The following CIB4 variants were observed in gnomAD, a reference collection of about 807,000 sequenced individuals.
CIB4 encodes calcium and integrin-binding family member 4.
In CIB4, 25 loss-of-function variants were observed where a neutral mutation model predicts 25.8. The ratio of observed to expected loss-of-function variants is 0.97; its 90% CI spans 0.71 to 1.35. CIB4 has a LOEUF of 1.35. Ranked by LOEUF, CIB4 falls within the 40% of genes most tolerant of loss-of-function variation. The pLI is 0.00. For missense variants in CIB4, 235 were observed against 228.2 expected (o/e 1.03, Z -0.19); for synonymous variants, 75 against 81.4 (o/e 0.92, Z 0.42).
At chr2:26,586,482 G>A (rs978824994) in intron 4 of CIB4, among the ~76,000 whole-genome samples, 3 of 152,232 alleles carry the variant, frequency 2.0e-5, no homozygotes, top group African/African-American at 4.8e-5. Context: ...AACACACTAC[G>A]TGTTATTAGC....
intron 3 of CIB4, among the ~76,000 whole-genome samples, chr2:26,601,904 T>C (rs1306178234): frequency 6.6e-6 from 1 of 152,144 alleles, no homozygotes; most frequent in Non-Finnish European, 1.5e-5. Flanking sequence ...AAGGGCTACA[T>C]ATTGTATGAG....
rs1558554715 is a variant in CIB4, at chr2:26,589,042, T to TTCC, written c.329-5145_329-5144insGGA. ...CTTCTTCTTCTTCTTCTTCTTCTTC[T>TTCC]TCTTCTTCTTCTTCTTCCTCTTCCT... is the stretch of plus-strand genomic sequence containing the variant. On this transcript the variant is annotated intron_variant, in intron 4 of 6. Coordinates refer to ENST00000288861, the MANE Select transcript of CIB4 (RefSeq NM_001029881.3). Among the ~76,000 whole-genome samples, 25 of 47,464 alleles carry TTCC rather than the reference T, an allele frequency of 5.3e-4. 1 individual carries two copies. The highest frequency in any genetic ancestry group is 1.8e-3 in the African/African-American group (21 of 11,454). The allele number at this position is 47,464 out of a possible 152,430, so 31.1% of individuals were successfully genotyped here. A position where few individuals can be genotyped will look rare whatever the true frequency, so the allele number is the denominator to read the frequency against.
intron 6 of CIB4, among the ~76,000 whole-genome samples, chr2:26,582,487 G>A (rs546448255): frequency 6.6e-6 from 1 of 152,276 alleles, no homozygotes; most frequent in Admixed American, 6.5e-5. Context: ...CTACCTCCCA[G>A]TTGGCCGCTG....
intron 3 of CIB4, among the ~76,000 whole-genome samples, chr2:26,604,024 G>C (rs1234017058): frequency 7.1e-6 from 1 of 140,558 alleles, no homozygotes; most frequent in East Asian, 2.1e-4. Flanking sequence ...AAAAAAGAAA[G>C]AAATATGAAG....
chr2:26,590,046 C>A (rs533416957), intron 4 of CIB4, among the ~76,000 whole-genome samples: 1 of 152,234 alleles, frequency 6.6e-6, no homozygotes, highest in African/African-American at 2.4e-5. Context: ...TCTGGACTGC[C>A]TGACTCCAGA....
intron 2 of CIB4, among the ~76,000 whole-genome samples, chr2:26,634,378 C>A (rs1669491776): frequency 6.6e-6 from 1 of 152,178 alleles, no homozygotes; most frequent in Non-Finnish European, 1.5e-5. Flanking sequence ...TCTGTGTGGG[C>A]TTGAGGAAAT....
intron 3 of CIB4, among the ~76,000 whole-genome samples, chr2:26,596,810 A>T (rs1187280117): frequency 6.6e-6 from 1 of 152,148 alleles, no homozygotes; most frequent in Non-Finnish European, 1.5e-5. Flanking sequence ...TAAGTATGAA[A>T]ATCTTCTGAA....
At chr2:26,603,721 C>G (rs2148204677) in intron 3 of CIB4, among the ~76,000 whole-genome samples, 1 of 152,216 alleles carries the variant, frequency 6.6e-6, no homozygotes, top group Non-Finnish European at 1.5e-5. Context: ...CTAAAGAAAA[C>G]AGACCCATGC....
At chr2:26,635,437 C>T (rs10495759) in intron 2 of CIB4, among the ~76,000 whole-genome samples, 13,287 of 152,276 alleles carry the variant, frequency 0.087, 984 homozygotes, top group Admixed American at 0.23. Context: ...TTCTACCTAT[C>T]GGTCTCTTGA....
At chr2:26,622,629 T>C (rs1289707652) in intron 3 of CIB4, among the ~76,000 whole-genome samples, 1 of 151,890 alleles carries the variant, frequency 6.6e-6, no homozygotes, top group Non-Finnish European at 1.5e-5. Context: ...GAAGAGGAAA[T>C]GTGGCAACCC....
intron 4 of CIB4, among the ~76,000 whole-genome samples, chr2:26,590,855 G>A (rs979820315): frequency 6.6e-6 from 1 of 152,196 alleles, no homozygotes; most frequent in Non-Finnish European, 1.5e-5. Flanking sequence ...GTGCTGCAAG[G>A]GGCCTGGAGA....
intron 1 of CIB4, 68 bp downstream of exon 1, chr2:26,641,193 T>A: frequency 7.5e-7 from 1 of 1,326,724 alleles, no homozygotes; most frequent in South Asian, 1.2e-5. Flanking sequence ...GAAGGAATTT[T>A]CCCATTCATT....
intron 4 of CIB4, among the ~76,000 whole-genome samples, chr2:26,591,569 A>C (rs963887666): frequency 3.9e-5 from 6 of 152,200 alleles, no homozygotes; most frequent in African/African-American, 1.4e-4. Context: ...GACGAACTCT[A>C]GTGACCTCTC....
At chr2:26,598,167 G>A (rs1370770227) in intron 3 of CIB4, among the ~76,000 whole-genome samples, 2 of 151,910 alleles carry the variant, frequency 1.3e-5, no homozygotes, top group African/African-American at 4.8e-5. Context: ...GGGCGTGATG[G>A]TGCGTGCCTG....
rs181344463 is a variant in CIB4 at position 26,598,152 on chromosome 2, T to C, written c.187-2835A>G. Among the ~76,000 whole-genome samples, 13 of 150,858 alleles carry C rather than the reference T, an allele frequency of 8.6e-5. No individual in the cohort carries two copies. The East Asian group carries it at 2.3e-3, about 27-fold the overall frequency. On this transcript the variant is annotated intron_variant, in intron 3 of 6. Transcript: ENST00000288861. ...CCATCTCAACTAAAAATACAAAAAT[T>C]AGTAGGGCGTGATGGTGCGTGCCTG...
chr2:26,602,177 C>A (rs1467815063), intron 3 of CIB4, among the ~76,000 whole-genome samples: 1 of 152,188 alleles, frequency 6.6e-6, no homozygotes, highest in African/African-American at 2.4e-5. Context: ...CAGGTCATGG[C>A]AAATGAAACC....
chr2:26,637,186 A>G (rs1301282215), intron 2 of CIB4, among the ~76,000 whole-genome samples: 2 of 152,150 alleles, frequency 1.3e-5, no homozygotes, highest in Non-Finnish European at 2.9e-5. Flanking sequence ...GAGAGAAGGA[A>G]TCACATAAGA....
chr2:26,635,661 G>A (rs940832144), intron 2 of CIB4, among the ~76,000 whole-genome samples: 1 of 152,186 alleles, frequency 6.6e-6, no homozygotes, highest in Non-Finnish European at 1.5e-5. Context: ...CCCTGAGCCA[G>A]AGAAGCTGGG....
At chr2:26,614,792 G>A (rs190671497) in intron 3 of CIB4, among the ~76,000 whole-genome samples, 127 of 152,328 alleles carry the variant, frequency 8.3e-4, no homozygotes, top group Non-Finnish European at 1.3e-3. Context: ...AAGGGGGCTC[G>A]CCATGCCCAA....
Sources: allele counts gnomAD v4.1 joint callset (sites outside exome capture counted in the v4.1 genomes callset), GRCh38; gene constraint gnomAD v4.1.1; transcripts MANE v1.5; gene names NCBI Gene and HGNC (gene_info 2026-07-23, HGNC 2026-07-21).